Variants in NAT10 observed in about 807,000 individuals in gnomAD.
The protein encoded by NAT10 is N-acetyltransferase 10.
In NAT10, 109 loss-of-function variants were observed where a neutral mutation model predicts 132.2. That is an observed-to-expected ratio of 0.82 (90% CI 0.71 to 0.97). The LOEUF (loss-of-function observed/expected upper bound fraction) is 0.97. NAT10 is among the 50% of genes least tolerant of loss of function. The pLI, the probability that NAT10 is intolerant of heterozygous loss-of-function variation, is 0.00. For synonymous variants in NAT10, 479 were observed against 478.0 expected, an observed-to-expected ratio of 1.00 and a Z score of -0.03; for missense variants, 1,184 against 1,263.4, an observed-to-expected ratio of 0.94 and a Z score of 0.95.
At chr11:34,129,858 C>T (rs1431998451) in intron 12 of NAT10, among the ~76,000 whole-genome samples, 2 of 152,042 alleles carry the variant, frequency 1.3e-5, no homozygotes, top group African/African-American at 4.8e-5. Context: ...ATCTACCCGC[C>T]TCGGCCTCCC....
chr11:34,122,652 G>C, intron 9 of NAT10, 60 bp downstream of exon 9: 2 of 1,594,534 alleles, frequency 1.3e-6, no homozygotes, highest in Non-Finnish European at 1.7e-6. Flanking sequence ...TAGTGTGCAG[G>C]GTTGGGGTCA....
Position 34,122,541 on chromosome 11 carries a change from G to A in NAT10, c.863G>A (p.Arg288Gln), listed in dbSNP as rs373535671. 9.3e-6 allele frequency: 15 copies of A among 1,614,066 alleles called. No homozygotes were observed. In the African/African-American group the frequency reaches 1.2e-4, roughly 13 times the overall value. ...GTTGCACTCACAGCTGCTCGAGGACGGGGAAAATCTGCAGCCCTGGGATTG... is the reference window on the plus strand; with the variant it reads ...GTTGCACTCACAGCTGCTCGAGGACAGGGAAAATCTGCAGCCCTGGGATTG... The part of the protein sequence containing the change: ...STVALTAARG[R>Q]GKSAALGLAI... Residue 288 changes from arginine to glutamine, a missense_variant, in exon 9 of 29, where the codon CGG becomes CAG. Arg to Gln is a conservative substitution (Grantham distance 43). Transcript: ENST00000257829.
Position 34,124,600 on chromosome 11 carries a change from T to C in NAT10, c.1107+200T>C, listed in dbSNP as rs576165051. On this transcript the variant is annotated intron_variant, in intron 11 of 28. Transcript: ENST00000257829. Reference sequence around the variant, plus strand: ...CATTCAGCAAACTAACAAATATATGTAGTTAGATTGAAAAGTTGTGTTTTT... The same window carrying C: ...CATTCAGCAAACTAACAAATATATGCAGTTAGATTGAAAAGTTGTGTTTTT... Among the ~76,000 whole-genome samples the C allele has an allele frequency of 3.9e-5, 6 of 152,360 alleles. No homozygotes were observed. In the South Asian group the frequency reaches 1.0e-3, roughly 26 times the overall value.
chr11:34,145,804 C>T (rs990605628), intron 28 of NAT10, among the ~76,000 whole-genome samples: 2 of 152,192 alleles, frequency 1.3e-5, no homozygotes, highest in South Asian at 2.1e-4. Flanking sequence ...GTACTGCACC[C>T]TGAGGAGAAC....
chr11:34,138,971 G>T, intron 21 of NAT10: 1 of 542,352 alleles, frequency 1.8e-6, no homozygotes, highest in Non-Finnish European at 3.3e-6. Flanking sequence ...TGAGGAGATT[G>T]CAGGACAGTG....
intron 25 of NAT10, 113 bp downstream of exon 25, chr11:34,141,321 T>TCA (rs66674391): frequency 0.022 from 26,529 of 1,207,460 alleles, 230 homozygotes; most frequent in African/African-American, 0.085. Flanking sequence ...CTGCATCTCG[T>TCA]CACACACACA....
At chr11:34,116,224 C>G (rs1476369123) in intron 6 of NAT10, among the ~76,000 whole-genome samples, 1 of 151,952 alleles carries the variant, frequency 6.6e-6, no homozygotes, top group East Asian at 1.9e-4. Flanking sequence ...AGTAGTCTTT[C>G]CAAACTTTTT....
chr11:34,120,319 A>G (rs190350812), intron 8 of NAT10, among the ~76,000 whole-genome samples: 243 of 152,228 alleles, frequency 1.6e-3, no homozygotes, highest in African/African-American at 5.5e-3. Context: ...TATAATATAA[A>G]ACAAAATGAT....
At position 34,139,283 on chromosome 11, in the gene NAT10, G is replaced by C. The variant is rs751663766; in HGVS notation, c.2304G>C (p.Trp768Cys). The C allele has an allele frequency of 6.2e-7, 1 of 1,614,048 alleles. No homozygotes were observed. The highest frequency in any genetic ancestry group is 8.5e-7 in the Non-Finnish European group (1 of 1,179,944). The change falls in exon 22 of 29, where the codon TGG (tryptophan) becomes TGC (cysteine). Residue 768 changes from tryptophan (W) to cysteine (C), a missense_variant. By Grantham distance (215) the Trp-to-Cys change is radical. Transcript: ENST00000257829. ...AGGGAGGCTGGCTTGCAGCCTTCTG[G>C]AAAGGTGACTGAGGAGTAGGGGTTT... is the stretch of plus-strand genomic sequence containing the variant. Reference protein sequence around the residue: ...ADQGGWLAAFWKDFRRRFLAL... With the variant: ...ADQGGWLAAFCKDFRRRFLAL...
Position 34,144,313 on chromosome 11 carries a change from T to A in NAT10, c.2969+785T>A, listed in dbSNP as rs541855187. On this transcript the variant is annotated intron_variant, in intron 28 of 28. Coordinates refer to ENST00000257829, the MANE Select transcript of NAT10 (RefSeq NM_024662.3). ...AAAATAAATGAAAAACTGAGAAATTTAAAAAAAATTCATTTGTTCACAGTA... is the reference window on the plus strand; with the variant it reads ...AAAATAAATGAAAAACTGAGAAATTAAAAAAAAATTCATTTGTTCACAGTA... 2.9e-3 allele frequency among the ~76,000 whole-genome samples: 446 copies of A among 152,130 alleles called. 2 individuals carry two copies. Among genetic ancestry groups the A allele is most frequent in the Non-Finnish European group, 4.9e-3 (331 of 67,988 alleles).
At chr11:34,136,131 G>A (rs953757856) in intron 19 of NAT10, among the ~76,000 whole-genome samples, 7 of 151,454 alleles carry the variant, frequency 4.6e-5, no homozygotes, top group African/African-American at 1.5e-4. Flanking sequence ...TCCCAGGCTG[G>A]AGTGTAATGG....
intron 8 of NAT10, among the ~76,000 whole-genome samples, chr11:34,121,554 A>G (rs776546983): frequency 6.6e-6 from 1 of 152,052 alleles, no homozygotes; most frequent in Non-Finnish European, 1.5e-5. Flanking sequence ...AAGCAGTTGC[A>G]TGTGTATAAA....
chr11:34,127,705 G>A, intron 12 of NAT10, 106 bp downstream of exon 12: 2 of 1,379,042 alleles, frequency 1.5e-6, no homozygotes, highest in South Asian at 1.4e-5. Flanking sequence ...CTGATTCTCA[G>A]AGTCTCTGAG....
intron 24 of NAT10, 75 bp downstream of exon 24, chr11:34,140,647 C>T: frequency 6.7e-7 from 1 of 1,494,258 alleles, no homozygotes. Flanking sequence ...TTGGGTTGGG[C>T]ACTTGGACAT....
intron 8 of NAT10, 24 bp downstream of exon 8, chr11:34,118,527 C>T: frequency 6.3e-7 from 1 of 1,585,904 alleles, no homozygotes; most frequent in Non-Finnish European, 8.6e-7. Flanking sequence ...TCAGCACTTC[C>T]AACACAAAGG....
At chr11:34,130,720 G>A in intron 12 of NAT10, 93 bp from the exon 13 acceptor site, 1 of 1,471,252 alleles carries the variant, frequency 6.8e-7, no homozygotes, top group Admixed American at 1.8e-5. Context: ...CAGGGGTCTG[G>A]TGTTTCAGCA....
intron 28 of NAT10, among the ~76,000 whole-genome samples, chr11:34,145,177 T>A (rs1268011417): frequency 6.6e-6 from 1 of 152,214 alleles, no homozygotes; most frequent in Non-Finnish European, 1.5e-5. Context: ...AGCTCCTCAC[T>A]CTGCAGAGCT....
rs745895159 is a variant in NAT10 at position 34,143,425 on chromosome 11, A to G, written c.2886-20A>G. ...CCTCTTCTTTCTAGCAGGCTTTGAT[A>G]GTTCCCTTCTTTTTTTTAGATACAT... On this transcript the variant is annotated intron_variant, in intron 27 of 28. Coordinates refer to ENST00000257829, the MANE Select transcript of NAT10 (RefSeq NM_024662.3). The G allele has an allele frequency of 2.5e-6, 4 of 1,605,146 alleles. No homozygotes were observed. In the South Asian group the frequency reaches 3.3e-5, roughly 13 times the overall value.
Position 34,108,750 on chromosome 11 carries a change from A to G in NAT10, c.117A>G (p.Ile39Met). Reference protein sequence around the residue: ...VGDRGKDQVVILHHMLSKATV... With the variant: ...VGDRGKDQVVMLHHMLSKATV... ...ACTTTTTTGTTTGGCAGGTGGTAAT[A>G]CTTCATCACATGTTATCCAAAGCAA... Residue 39 changes from isoleucine to methionine, a missense_variant, in exon 3 of 29, where the codon ATA becomes ATG. Transcript: ENST00000257829. The G allele has an allele frequency of 1.9e-6, 3 of 1,611,936 alleles. No homozygotes were observed. The South Asian group carries it at 3.3e-5, about 18-fold the overall frequency.
Sources: allele counts gnomAD v4.1 joint callset (sites outside exome capture counted in the v4.1 genomes callset), GRCh38; gene constraint gnomAD v4.1.1; transcripts MANE v1.5; gene names NCBI Gene and HGNC (gene_info 2026-07-23, HGNC 2026-07-21).